The following CADM2 variants were observed in gnomAD, a reference collection of about 807,000 sequenced individuals.
CADM2 encodes the protein cell adhesion molecule 2.
CADM2 carries 12 observed loss-of-function variants against 49.8 expected under a neutral mutation model. The observed-to-expected ratio is 0.24, with a 90% CI of 0.15 to 0.39. The LOEUF (loss-of-function observed/expected upper bound fraction) is 0.39. CADM2 is among the 10% of genes least tolerant of loss of function. The pLI is 1.00. For synonymous variants in CADM2, 214 were observed against 175.4 expected (o/e 1.22, Z -1.74); for missense variants, 378 against 492.3 (o/e 0.77, Z 2.20).
At chr3:85,795,731 G>A (rs771760705) in intron 2 of CADM2, among the ~76,000 whole-genome samples, 13 of 152,168 alleles carry the variant, frequency 8.5e-5, no homozygotes, top group Non-Finnish European at 1.3e-4. Flanking sequence ...TCAAAAATAC[G>A]TTATCAAGAG....
chr3:85,870,550 A>G (rs1331796338), intron 3 of CADM2, among the ~76,000 whole-genome samples: 1 of 151,874 alleles, frequency 6.6e-6, no homozygotes, highest in African/African-American at 2.4e-5. Context: ...ATAGCCTTCA[A>G]CTCCATCCAT....
chr3:85,454,678 G>T (rs1321335341), intron 1 of CADM2, among the ~76,000 whole-genome samples: 1 of 152,090 alleles, frequency 6.6e-6, no homozygotes, highest in Non-Finnish European at 1.5e-5. Flanking sequence ...ATTCAGACAT[G>T]AAAAAGCTAA....
chr3:85,526,462 C>A (rs1559886910), intron 1 of CADM2, among the ~76,000 whole-genome samples: 1 of 151,924 alleles, frequency 6.6e-6, no homozygotes, highest in Non-Finnish European at 1.5e-5. Context: ...AGTAGGTTTT[C>A]AACAAAACAA....
intron 8 of CADM2, among the ~76,000 whole-genome samples, chr3:86,061,965 TC>T (rs1738698714): frequency 7.3e-6 from 1 of 137,582 alleles, no homozygotes; most frequent in Non-Finnish European, 1.5e-5. Flanking sequence ...GAGAAAAGAA[TC>T]CCTCAGGTGC....
chr3:85,208,512 G>A (rs999990861), intron 1 of CADM2, among the ~76,000 whole-genome samples: 1 of 152,084 alleles, frequency 6.6e-6, no homozygotes, highest in Non-Finnish European at 1.5e-5. Flanking sequence ...TGAAGATTTT[G>A]CTGGTTTAAT....
intron 1 of CADM2, among the ~76,000 whole-genome samples, chr3:85,401,641 C>T (rs1232621565): frequency 1.3e-5 from 2 of 152,114 alleles, no homozygotes; most frequent in African/African-American, 4.8e-5. Context: ...ATCGATTTTC[C>T]CTCATTTCTT....
At chr3:85,227,651 G>A (rs1309590171) in intron 1 of CADM2, among the ~76,000 whole-genome samples, 1 of 151,948 alleles carries the variant, frequency 6.6e-6, no homozygotes, top group Non-Finnish European at 1.5e-5. Context: ...GGTTAATTTT[G>A]TTATGTGTGA....
chr3:85,106,075 C>G (rs1013977091), intron 1 of CADM2, among the ~76,000 whole-genome samples: 1 of 151,580 alleles, frequency 6.6e-6, no homozygotes, highest in African/African-American at 2.4e-5. Flanking sequence ...GCACATGTAC[C>G]CTAAAACTTA....
chr3:85,189,418 G>A (rs1185034299), intron 1 of CADM2, among the ~76,000 whole-genome samples: 5 of 151,974 alleles, frequency 3.3e-5, no homozygotes, highest in Non-Finnish European at 7.4e-5. Context: ...AGGGATTTGA[G>A]GCAATTATGT....
chr3:85,981,573 T>C (rs1485639446), intron 8 of CADM2, among the ~76,000 whole-genome samples: 1 of 151,702 alleles, frequency 6.6e-6, no homozygotes, highest in Admixed American at 6.6e-5. Flanking sequence ...GTGTCCTCAA[T>C]ATTTAGCTCT....
intron 1 of CADM2, among the ~76,000 whole-genome samples, chr3:85,692,169 C>G (rs189676459): frequency 3.3e-5 from 5 of 152,160 alleles, no homozygotes; most frequent in South Asian, 2.1e-4. Context: ...TGCCTCTCTC[C>G]TGAGAAAGTA....
chr3:86,061,536 T>C (rs1028324664), intron 8 of CADM2, among the ~76,000 whole-genome samples: 1 of 152,148 alleles, frequency 6.6e-6, no homozygotes, highest in East Asian at 1.9e-4. Context: ...AGGATTAAGA[T>C]ATAATAACAA....
At chr3:86,028,416 T>C (rs546369559) in intron 8 of CADM2, among the ~76,000 whole-genome samples, 6 of 152,230 alleles carry the variant, frequency 3.9e-5, no homozygotes, top group Non-Finnish European at 8.8e-5. Context: ...TGGCTAACAG[T>C]TGCTATAAAA....
intron 1 of CADM2, among the ~76,000 whole-genome samples, chr3:85,558,502 C>T (rs1184561825): frequency 6.6e-6 from 1 of 151,794 alleles, no homozygotes; most frequent in Non-Finnish European, 1.5e-5. Flanking sequence ...CATATTTATG[C>T]AATATATAAG....
intron 1 of CADM2, among the ~76,000 whole-genome samples, chr3:85,271,020 G>A (rs537549638): frequency 6.6e-5 from 10 of 151,376 alleles, no homozygotes; most frequent in Non-Finnish European, 1.0e-4. Context: ...GTTAATTGCT[G>A]TTACCCTTTC....
At chr3:85,988,373 T>G (rs1382134895) in intron 8 of CADM2, among the ~76,000 whole-genome samples, 1 of 152,194 alleles carries the variant, frequency 6.6e-6, no homozygotes, top group East Asian at 1.9e-4. Flanking sequence ...AGGAAGCAGA[T>G]TTTTCTGAAT....
intron 1 of CADM2, among the ~76,000 whole-genome samples, chr3:85,260,255 T>G (rs2042986303): frequency 6.6e-6 from 1 of 152,018 alleles, no homozygotes; most frequent in Admixed American, 6.6e-5. Flanking sequence ...AGCAAAAGCC[T>G]AAGTATTCAG....
rs139652378 is a variant in CADM2, at chr3:85,657,933, G to A, written c.62-68589G>A. On this transcript the variant is annotated intron_variant, in intron 1 of 9. Transcript: ENST00000383699. ...ACTGGAGTTAAATGAATTGGAAGAC[G>A]AGATTGAACACACTAATTGATGCCA... 9.8e-4 allele frequency among the ~76,000 whole-genome samples: 149 copies of A among 151,882 alleles called. 2 individuals carry two copies. The highest frequency in any genetic ancestry group is 3.1e-3 in the African/African-American group (130 of 41,472).
intron 2 of CADM2, among the ~76,000 whole-genome samples, chr3:85,793,133 T>C (rs1382897722): frequency 6.6e-6 from 1 of 152,204 alleles, no homozygotes; most frequent in African/African-American, 2.4e-5. Flanking sequence ...GATGGCAACA[T>C]TGAAGGAATA....
Sources: allele counts gnomAD v4.1 joint callset (sites outside exome capture counted in the v4.1 genomes callset), GRCh38; gene constraint gnomAD v4.1.1; transcripts MANE v1.5; gene names NCBI Gene and HGNC (gene_info 2026-07-23, HGNC 2026-07-21).